Variants in EPM2A observed in about 807,000 individuals in gnomAD.
EPM2A encodes EPM2A glucan phosphatase, laforin, also known as laforin.
A neutral mutation model predicts 26.5 loss-of-function variants in EPM2A; 21 were observed. That is an observed-to-expected ratio of 0.79 (90% CI 0.56 to 1.14). The LOEUF is 1.14. Among genes scored for constraint, EPM2A ranks in the 50% most tolerant of loss-of-function variants. The pLI, the probability that EPM2A is intolerant of heterozygous loss-of-function variation, is 0.00. For missense variants in EPM2A, 458 were observed against 440.8 expected (o/e 1.04, Z -0.35); for synonymous variants, 217 against 177.6 (o/e 1.22, Z -1.76).
intron 4 of EPM2A, among the ~76,000 whole-genome samples, chr6:145,483,952 T>G (rs935893148): frequency 1.3e-5 from 2 of 152,168 alleles, no homozygotes; most frequent in African/African-American, 4.8e-5. Flanking sequence ...ATTAAGAAGT[T>G]AATACATCTA....
At chr6:145,416,411 G>A (rs1253285414) in intron 4 of EPM2A, among the ~76,000 whole-genome samples, 1 of 151,948 alleles carries the variant, frequency 6.6e-6, no homozygotes, top group Non-Finnish European at 1.5e-5. Flanking sequence ...TATGGCTTTT[G>A]GTTTGTATAG....
intron 2 of EPM2A, among the ~76,000 whole-genome samples, chr6:145,548,830 C>A (rs1375411696): frequency 1.3e-5 from 2 of 152,226 alleles, no homozygotes; most frequent in Non-Finnish European, 2.9e-5. Context: ...ATACATACGT[C>A]TGCACTTTGG....
intron 2 of EPM2A, among the ~76,000 whole-genome samples, chr6:145,587,945 C>T (rs1781219762): frequency 6.6e-6 from 1 of 152,136 alleles, no homozygotes; most frequent in Non-Finnish European, 1.5e-5. Flanking sequence ...AACAAAACTT[C>T]TGAATTAATA....
chr6:145,642,744 C>T lies in EPM2A; in HGVS notation c.477-7258G>A, dbSNP rs538312669. Among the ~76,000 whole-genome samples, 12 of 152,164 alleles carry T rather than the reference C, an allele frequency of 7.9e-5. No individual in the cohort carries two copies. In the South Asian group the frequency reaches 2.5e-3, roughly 32 times the overall value. ...CAGATACCCAAAGTCCTTTTTAAAG[C>T]GAGAGTCAGGTATACTTTAGGAACT... is the stretch of plus-strand genomic sequence containing the variant. On this transcript the variant is annotated intron_variant, in intron 2 of 3. Transcript: ENST00000367519.
intron 4 of EPM2A, among the ~76,000 whole-genome samples, chr6:145,399,169 G>A (rs949982186): frequency 6.6e-6 from 1 of 152,098 alleles, no homozygotes; most frequent in South Asian, 2.1e-4. Context: ...ATTTTAAAAA[G>A]TTTGCGAGAG....
chr6:145,718,189 G>A lies in EPM2A; in HGVS notation c.301+17009C>T, dbSNP rs1382802211. ...AATCCTAAGCCAAAAGAACAAAGTT[G>A]GAGGCATCACACTACCTGACTTCAA... On this transcript the variant is annotated intron_variant, in intron 1 of 3. Transcript: ENST00000367519. Among the ~76,000 whole-genome samples the A allele has an allele frequency of 7.7e-4, 117 of 152,038 alleles. 2 individuals carry two copies. In the East Asian group the frequency reaches 0.021, roughly 27 times the overall value.
intron 2 of EPM2A, among the ~76,000 whole-genome samples, chr6:145,613,114 T>G (rs1297098300): frequency 1.3e-5 from 2 of 152,246 alleles, no homozygotes; most frequent in African/African-American, 2.4e-5. Flanking sequence ...ATTTATTAAT[T>G]AAAGTTATTC....
intron 2 of EPM2A, among the ~76,000 whole-genome samples, chr6:145,503,153 T>C (rs1480895628): frequency 6.6e-6 from 1 of 152,198 alleles, no homozygotes; most frequent in African/African-American, 2.4e-5. Flanking sequence ...AAGATGTGTA[T>C]AGAGGAAAGC....
At chr6:145,578,866 G>A (rs1453827478) in intron 2 of EPM2A, among the ~76,000 whole-genome samples, 2 of 152,082 alleles carry the variant, frequency 1.3e-5, no homozygotes, top group African/African-American at 2.4e-5. Flanking sequence ...AGCAGGAGAA[G>A]AAGGGCGTCT....
intron 2 of EPM2A, among the ~76,000 whole-genome samples, chr6:145,612,073 A>T (rs1775403796): frequency 6.6e-6 from 1 of 152,182 alleles, no homozygotes; most frequent in Admixed American, 6.5e-5. Flanking sequence ...AGAGTATCTT[A>T]ATTTCCAAAT....
At chr6:145,480,437 T>A (rs1450443093) in intron 4 of EPM2A, among the ~76,000 whole-genome samples, 1 of 152,108 alleles carries the variant, frequency 6.6e-6, no homozygotes, top group African/African-American at 2.4e-5. Flanking sequence ...CAATTAGACA[T>A]GAGATTTGGG....
chr6:145,496,728 A>ATGTTTTTTTTGTTTT, downstream of EPM2A, among the ~76,000 whole-genome samples: 1 of 106,908 alleles, frequency 9.4e-6, no homozygotes, highest in Middle Eastern at 5.0e-3. Flanking sequence ...AGTTCCTGCA[A>ATGTTTTTTTTGTTTT]TTTTTTTTTT....
At chr6:145,490,643 CA>C (rs1779742256) in intron 4 of EPM2A, 1 of 636,812 alleles carries the variant, frequency 1.6e-6, no homozygotes, top group African/African-American at 1.8e-5. Context: ...TTGCATATTT[CA>C]CACTTGAAAC....
At chr6:145,422,116 A>G (rs1414623359) in intron 4 of EPM2A, among the ~76,000 whole-genome samples, 1 of 146,304 alleles carries the variant, frequency 6.8e-6, no homozygotes, top group African/African-American at 2.5e-5. Context: ...ACATATATAA[A>G]TATATAATAT....
At chr6:145,599,922 A>C (rs1016551879) in intron 2 of EPM2A, among the ~76,000 whole-genome samples, 9 of 152,124 alleles carry the variant, frequency 5.9e-5, no homozygotes, top group African/African-American at 1.2e-4. Context: ...ATAAATTACA[A>C]GTATATTTCT....
At chr6:145,707,736 A>G (rs1418097384) in intron 1 of EPM2A, among the ~76,000 whole-genome samples, 1 of 152,190 alleles carries the variant, frequency 6.6e-6, no homozygotes, top group Non-Finnish European at 1.5e-5. Flanking sequence ...CTTTTGTTAT[A>G]AATTACTGAG....
chr6:145,686,029 G>A (rs1196764346), intron 2 of EPM2A, 93 bp downstream of exon 2: 2 of 1,130,584 alleles, frequency 1.8e-6, no homozygotes, highest in East Asian at 2.5e-5. Flanking sequence ...TCCCAAGTGA[G>A]GCACTGCAGT....
intron 2 of EPM2A, among the ~76,000 whole-genome samples, chr6:145,536,881 A>T (rs867720536): frequency 6.6e-6 from 1 of 152,230 alleles, no homozygotes; most frequent in African/African-American, 2.4e-5. Flanking sequence ...AGGCAGACAG[A>T]GGAGTGGGAA....
rs75974937 is a variant in EPM2A, at chr6:145,528,153, A to C, written c.341-25578T>G. On this transcript the variant is annotated intron_variant, in intron 2 of 3. Coordinates refer to the EPM2A transcript ENST00000450221. Reference sequence around the variant, plus strand: ...AGCAGAGGTTGCTTCATGTGGTTTGAGGAAAGAAACCATCCCCATAACACA... The same window carrying C: ...AGCAGAGGTTGCTTCATGTGGTTTGCGGAAAGAAACCATCCCCATAACACA... Among the ~76,000 whole-genome samples, 739 of 152,270 alleles carry C rather than the reference A, an allele frequency of 4.9e-3. 25 individuals are homozygous for C. In the East Asian group the frequency reaches 0.087, roughly 18 times the overall value.
Sources: allele counts gnomAD v4.1 joint callset (sites outside exome capture counted in the v4.1 genomes callset), GRCh38; gene constraint gnomAD v4.1.1; transcripts MANE v1.5; gene names NCBI Gene and HGNC (gene_info 2026-07-23, HGNC 2026-07-21).